Variants in TGFBI observed in about 807,000 individuals in gnomAD.
TGFBI encodes transforming growth factor-beta-induced protein ig-h3.
A neutral mutation model predicts 73.7 loss-of-function variants in TGFBI; 50 were observed. That is an observed-to-expected ratio of 0.68 (90% CI 0.54 to 0.86). TGFBI has a LOEUF of 0.86. Ranked by LOEUF, TGFBI falls within the 40% of genes least tolerant of loss-of-function variation. The pLI, the probability that TGFBI is intolerant of heterozygous loss-of-function variation, is 0.00. For missense variants in TGFBI, 839 were observed against 877.0 expected, an observed-to-expected ratio of 0.96 and a Z score of 0.55; for synonymous variants, 362 against 360.5, an observed-to-expected ratio of 1.00 and a Z score of -0.05.
chr5:136,056,335 T>C, intron 11 of TGFBI: 1 of 290,364 alleles, frequency 3.4e-6, no homozygotes, highest in Non-Finnish European at 6.5e-6. Context: ...CACACCCCTC[T>C]GCCCTCCCAG....
At chr5:136,050,083 A>G (rs1751507610) in intron 7 of TGFBI, among the ~76,000 whole-genome samples, 1 of 152,224 alleles carries the variant, frequency 6.6e-6, no homozygotes. Context: ...CTTTAATATC[A>G]GCACTTTGGG....
At chr5:136,058,570 A>G (rs574130240) in intron 12 of TGFBI, among the ~76,000 whole-genome samples, 31 of 152,296 alleles carry the variant, frequency 2.0e-4, no homozygotes, top group South Asian at 6.2e-4. Flanking sequence ...TCCACAGTAC[A>G]GCTGTCTACT....
rs1751598842 is a variant in TGFBI at position 136,054,838 on chromosome 5, C to T, written c.1387C>T (p.Leu463=). ...CCTGGAAACTCTGGGCGGCAAAAAA[C>T]TGAGAGTTTTTGTTTATCGTAATGT... ...QTLETLGGKK[L]RVFVYRNSLC... Residue 463 remains leucine (L), a synonymous_variant, in exon 10 of 17, where the codon CTG becomes TTG. Coordinates refer to ENST00000442011, the MANE Select transcript of TGFBI (RefSeq NM_000358.3). 6.2e-7 allele frequency: 1 copy of T among 1,613,706 alleles called. No homozygotes were observed. Among genetic ancestry groups the T allele is most frequent in the South Asian group, 1.1e-5 (1 of 91,070 alleles).
chr5:136,038,635 T>C (rs1270846372), intron 2 of TGFBI, among the ~76,000 whole-genome samples: 4 of 150,660 alleles, frequency 2.7e-5, no homozygotes, highest in Non-Finnish European at 5.9e-5. Context: ...GCGGGAGAAT[T>C]GCTTGAACCC....
At chr5:136,030,557 G>A (rs1751099956) in intron 1 of TGFBI, among the ~76,000 whole-genome samples, 1 of 152,164 alleles carries the variant, frequency 6.6e-6, no homozygotes, top group Non-Finnish European at 1.5e-5. Context: ...GGGATATCCT[G>A]GGGTCTTTCT....
intron 1 of TGFBI, among the ~76,000 whole-genome samples, chr5:136,031,895 A>AG (rs1421920612): frequency 6.6e-6 from 1 of 152,172 alleles, no homozygotes; most frequent in African/African-American, 2.4e-5. Flanking sequence ...TGCTGCCACA[A>AG]GGACAGCAGC....
At chr5:136,042,235 G>T (rs1279094295) in intron 2 of TGFBI, among the ~76,000 whole-genome samples, 1 of 152,212 alleles carries the variant, frequency 6.6e-6, no homozygotes, top group Non-Finnish European at 1.5e-5. Flanking sequence ...GATTTAGCTG[G>T]GAAAAGTTGG....
rs182124708 is a variant in TGFBI, at chr5:136,046,885, T to A, written c.494T>A (p.Ile165Asn). ...GACTCCCTGGTCAGCAATGTCAACA[T>A]TGAGCTGCTCAATGCCCTCCGCTAC... ...VLDSLVSNVN[I>N]ELLNALRYHM... is the part of the protein sequence containing the mutation. The change falls in exon 5 of 17, where the codon ATT becomes AAT. Residue 165 changes from isoleucine to asparagine, a missense_variant. Coordinates refer to ENST00000442011, the MANE Select transcript of TGFBI (RefSeq NM_000358.3). 6.2e-7 allele frequency: 1 copy of A among 1,613,728 alleles called. No homozygotes were observed. The highest frequency in any genetic ancestry group is 1.7e-5 in the Admixed American group (1 of 59,984).
chr5:136,041,179 C>T (rs891859630), intron 2 of TGFBI, among the ~76,000 whole-genome samples: 1 of 152,248 alleles, frequency 6.6e-6, no homozygotes, highest in Non-Finnish European at 1.5e-5. Context: ...AACCCCTGCA[C>T]ACCTAGAGAG....
rs930752705 is a variant in TGFBI, at chr5:136,029,085, C to G, written c.30C>G (p.Leu10=). Residue 10 remains leucine, a synonymous_variant, in exon 1 of 17, where the codon CTC becomes CTG. Transcript: ENST00000442011. MALFVRLLA[L]ALALALGPAA... is the part of the protein sequence containing the mutation. ...CGCTCTTCGTGCGGCTGCTGGCTCT[C>G]GCCCTGGCTCTGGCCCTGGGCCCCG... is the stretch of plus-strand genomic sequence containing the variant. 6.5e-7 allele frequency: 1 copy of G among 1,527,710 alleles called. No homozygotes were observed. Among genetic ancestry groups the G allele is most frequent in the Non-Finnish European group, 8.7e-7 (1 of 1,144,290 alleles). 94.6% of individuals were successfully genotyped at this position (1,527,710 alleles called of 1,614,324 possible).
In TGFBI at chr5:136,049,575, T is replaced by C. The variant is rs1751496728; in HGVS notation, c.908T>C (p.Leu303Pro). 2 of 1,613,218 alleles carry C rather than the reference T, an allele frequency of 1.2e-6. No homozygotes were observed. Among genetic ancestry groups the C allele is most frequent in the Non-Finnish European group, 1.7e-6 (2 of 1,179,680 alleles). ...LNRILGDPEALRDLLNNHILK... is the reference protein window; with the variant it reads ...LNRILGDPEAPRDLLNNHILK... ...CGTATCCTGGGCGACCCAGAAGCCC[T>C]GAGAGGTGAGCATCCTTTGGCTCCT... is the stretch of plus-strand genomic sequence containing the variant. The change falls in exon 7 of 17, where the codon CTG becomes CCG. Residue 303 changes from leucine (L) to proline (P), a missense_variant. Coordinates refer to ENST00000442011, the MANE Select transcript of TGFBI (RefSeq NM_000358.3).
intron 2 of TGFBI, among the ~76,000 whole-genome samples, chr5:136,036,348 G>C (rs1036780650): frequency 3.3e-5 from 5 of 152,214 alleles, no homozygotes; most frequent in Admixed American, 2.6e-4. Context: ...TGTGGCCACT[G>C]CTTTGGGCAA....
Position 136,051,893 on chromosome 5 carries a change from G to A in TGFBI, c.914-1014G>A, listed in dbSNP as rs531149916. Among the ~76,000 whole-genome samples the A allele has an allele frequency of 4.6e-5, 7 of 152,278 alleles. No homozygotes were observed. The East Asian group carries it at 5.8e-4, about 13-fold the overall frequency. On this transcript the variant is annotated intron_variant, in intron 7 of 16. Transcript: ENST00000442011. Reference sequence around the variant, plus strand: ...CACGGGCTTCCAAGGCCATCAACTCGTCTGCAGCAGCCCCATGCCTTGCAG... The same window carrying A: ...CACGGGCTTCCAAGGCCATCAACTCATCTGCAGCAGCCCCATGCCTTGCAG...
intron 13 of TGFBI, among the ~76,000 whole-genome samples, chr5:136,059,913 T>C (rs550314445): frequency 6.6e-6 from 1 of 152,310 alleles, no homozygotes; most frequent in African/African-American, 2.4e-5. Flanking sequence ...TGTTTGACTT[T>C]AGCAGGTCAT....
At chr5:136,059,588 A>C (rs1295636670) in intron 13 of TGFBI, among the ~76,000 whole-genome samples, 1 of 152,196 alleles carries the variant, frequency 6.6e-6, no homozygotes, top group Non-Finnish European at 1.5e-5. Context: ...TTGTACCATG[A>C]ACCAGACCAT....
At position 136,046,372 on chromosome 5, in the gene TGFBI, C is replaced by T. The variant is rs577217638; in HGVS notation, c.336C>T (p.Val112=). The T allele has an allele frequency of 1.3e-5, 21 of 1,613,936 alleles. No individual in the cohort carries two copies. In the South Asian group the frequency reaches 1.9e-4, roughly 14 times the overall value. Residue 112 remains valine (V), a synonymous_variant, in exon 4 of 17, where the codon GTC becomes GTT. Coordinates refer to ENST00000442011, the MANE Select transcript of TGFBI (RefSeq NM_000358.3). ...PLSNLYETLG[V]VGSTTTQLYT... is the part of the protein sequence containing the mutation. Reference sequence around the variant, plus strand: ...CAAACCTTTACGAGACCCTGGGAGTCGTTGGATCCACCACCACTCAGCTGT... The same window carrying T: ...CAAACCTTTACGAGACCCTGGGAGTTGTTGGATCCACCACCACTCAGCTGT...
At position 136,060,946 on chromosome 5, in the gene TGFBI, G is replaced by C. The variant is rs185225485; in HGVS notation, c.1906+10G>C. The C allele has an allele frequency of 1.9e-6, 3 of 1,545,754 alleles. No homozygotes were observed. Among genetic ancestry groups the C allele is most frequent in the East Asian group, 2.3e-5 (1 of 43,712 alleles). ...GTTCTGCAGCCTCCAGGTAAGTGTC[G>C]CATCCCCACTGACTCTGCAGCCAGT... On this transcript the variant is annotated intron_variant, in intron 14 of 16. Transcript: ENST00000442011.
At chr5:136,058,914 C>T in intron 12 of TGFBI, 176 bp from the exon 13 acceptor site, 1 of 734,160 alleles carries the variant, frequency 1.4e-6, no homozygotes. Flanking sequence ...GACCATTAGA[C>T]AGATTGTGGG....
Position 136,055,842 on chromosome 5 carries a change from G to A in TGFBI, c.1547+26G>A, listed in dbSNP as rs376079991. 19 of 1,581,262 alleles carry A rather than the reference G, an allele frequency of 1.2e-5. No individual in the cohort carries two copies. In the African/African-American group the frequency reaches 2.4e-4, roughly 20 times the overall value. ...GTAATTAGTTCCATCCCCGGGTGGA[G>A]CTTCTGCCCAGTGGTCATGCTGGAG... On this transcript the variant is annotated intron_variant, in intron 11 of 16. Transcript: ENST00000442011.
Sources: allele counts gnomAD v4.1 joint callset (sites outside exome capture counted in the v4.1 genomes callset), GRCh38; gene constraint gnomAD v4.1.1; transcripts MANE v1.5; gene names NCBI Gene and HGNC (gene_info 2026-07-23, HGNC 2026-07-21).